PRR36: variants seen among roughly 807,000 people sequenced by gnomAD.
PRR36 encodes proline-rich protein 36.
A neutral mutation model predicts 58.6 loss-of-function variants in PRR36; 30 were observed. That is an observed-to-expected ratio of 0.51 (90% CI 0.38 to 0.69). PRR36 has a LOEUF of 0.69. Ranked by LOEUF, PRR36 falls within the 30% of genes least tolerant of loss-of-function variation. The pLI is 0.00. For synonymous variants in PRR36, 771 were observed against 829.3 expected, an observed-to-expected ratio of 0.93 and a Z score of 1.21; for missense variants, 1,692 against 1,805.6, an observed-to-expected ratio of 0.94 and a Z score of 1.14.
In PRR36 at chr19:7,869,179, C is replaced by G. The variant is rs1401079261; in HGVS notation, c.3895G>C (p.Asp1299His). The G allele has an allele frequency of 6.5e-7, 1 of 1,535,258 alleles. No homozygotes were observed. The highest frequency in any genetic ancestry group is 1.4e-5 in the African/African-American group (1 of 73,112). The change falls in exon 6 of 6, where the codon GAC becomes CAC. Residue 1299 changes from aspartate (D) to histidine (H), a missense_variant. Coordinates refer to ENST00000618550, the MANE Select transcript of PRR36 (RefSeq NM_001190467.2). ...VTGGARAALS[D>H]AELGRWAELL... ...TCGGCCCAGCGGCCGAGTTCGGCGT[C>G]GCTGAGTGCAGCCCGGGCGCCCCCT...
Position 7,869,926 on chromosome 19 carries a change from GGGC to G in PRR36, c.3315_3317del (p.Pro1106del), listed in dbSNP as rs1568250850. ...TCAGCGTGCTGGACGGGCTGCGCGA[GGGC>G]GGCGGCGGCGGGCCGGGGGCCAACG... On this transcript the variant is annotated inframe_deletion, in exon 5 of 6. Coordinates refer to ENST00000618550, the MANE Select transcript of PRR36 (RefSeq NM_001190467.2). 102 of 1,366,434 alleles carry G rather than the reference GGGC, an allele frequency of 7.5e-5. No homozygotes were observed. Among genetic ancestry groups the G allele is most frequent in the South Asian group, 2.2e-4 (13 of 58,184 alleles). 84.6% of individuals were successfully genotyped at this position (1,366,434 alleles called of 1,614,324 possible). A position where few individuals can be genotyped will look rare whatever the true frequency, so the allele number is the denominator to read the frequency against.
Position 7,872,081 on chromosome 19 carries a change from G to A in PRR36, c.1163C>T (p.Ser388Phe), listed in dbSNP as rs1326524004. The A allele has an allele frequency of 2.0e-6, 3 of 1,535,202 alleles. No individual in the cohort carries two copies. Among genetic ancestry groups the A allele is most frequent in the Non-Finnish European group, 2.6e-6 (3 of 1,146,584 alleles). The change falls in exon 5 of 6, where the codon TCT (serine) becomes TTT (phenylalanine). Residue 388 changes from serine (S) to phenylalanine (F), a missense_variant. Physicochemically the swap from Ser to Phe is radical, Grantham distance 155. Coordinates refer to ENST00000618550, the MANE Select transcript of PRR36 (RefSeq NM_001190467.2). The surrounding 1 kb of genome is among the most constrained non-coding windows in gnomAD (Gnocchi z 6.1). ...SAPPSLQTLP[S>F]PPATPPSQVP... ...TTGCGAGGGGGGCGTGGCTGGTGGA[G>A]AGGGGAGGGTCTGCAGAGAAGGTGG...
At position 7,868,993 on chromosome 19, in the gene PRR36, A is replaced by C. The variant is rs1281478340; in HGVS notation, c.*40T>G. 2 of 1,468,372 alleles carry C rather than the reference A, an allele frequency of 1.4e-6. No individual in the cohort carries two copies. The highest frequency in any genetic ancestry group is 1.8e-6 in the Non-Finnish European group (2 of 1,112,016). The allele number at this position is 1,468,372 out of a possible 1,614,324, so 91.0% of individuals were successfully genotyped here. A position where few individuals can be genotyped will look rare whatever the true frequency, so the allele number is the denominator to read the frequency against. ...GGCGTACCCGGAGGGGCGGATCCTAAGGCAGGGGTGGGGTGTAGCAGGCGG... is the reference window on the plus strand; with the variant it reads ...GGCGTACCCGGAGGGGCGGATCCTACGGCAGGGGTGGGGTGTAGCAGGCGG... On this transcript the variant is annotated 3_prime_UTR_variant, in exon 6 of 6. Transcript: ENST00000618550.
Position 7,872,167 on chromosome 19 carries a change from C to T in PRR36, c.1077G>A (p.Ser359=). The T allele has an allele frequency of 9.7e-6, 14 of 1,442,654 alleles. No individual in the cohort carries two copies. The highest frequency in any genetic ancestry group is 1.2e-5 in the Non-Finnish European group (13 of 1,100,678). The allele number at this position is 1,442,654 out of a possible 1,614,324, so 89.4% of individuals were successfully genotyped here. Residue 359 remains serine, a synonymous_variant, in exon 5 of 6, where the codon TCG becomes TCA. Transcript: ENST00000618550. The surrounding 1 kb of genome is among the most constrained non-coding windows in gnomAD (Gnocchi z 6.1). ...APPTLPATPH[S]SSLTCQLATP... is the part of the protein sequence containing the mutation. The stretch of plus-strand genomic sequence containing the variant: ...TGGCCAACTGACAGGTAAGGCTCGA[C>T]GAGTGGGGCGTGGCCGGCAGGGTGG...
In PRR36 at chr19:7,869,939, G is replaced by A. The variant is rs1980299980; in HGVS notation, c.3305C>T (p.Pro1102Leu). 7 of 1,367,168 alleles carry A rather than the reference G, an allele frequency of 5.1e-6. No individual in the cohort carries two copies. The East Asian group carries it at 1.2e-4, about 24-fold the overall frequency. The allele number at this position is 1,367,168 out of a possible 1,614,324, so 84.7% of individuals were successfully genotyped here. Residue 1102 changes from proline (P) to leucine (L), a missense_variant, in exon 5 of 6, where the codon CCG (proline) becomes CTG (leucine). Pro to Leu is a moderately conservative substitution (Grantham distance 98). Around this residue, in one of 5 missense-constraint regions of PRR36, gnomAD observed 485 missense variants for 549.2 expected, o/e 0.88. Transcript: ENST00000618550. ...PRLTLALAPGPPPPPSRSPSS... is the reference protein window; with the variant it reads ...PRLTLALAPGLPPPPSRSPSS... Reference sequence around the variant, plus strand: ...CGGGCTGCGCGAGGGCGGCGGCGGCGGGCCGGGGGCCAACGCCAGGGTCAG... The same window carrying A: ...CGGGCTGCGCGAGGGCGGCGGCGGCAGGCCGGGGGCCAACGCCAGGGTCAG...
At position 7,869,137 on chromosome 19, in the gene PRR36, C is replaced by A; in HGVS notation, c.3937G>T (p.Asp1313Tyr). The A allele has an allele frequency of 6.5e-7, 1 of 1,535,370 alleles. No individual in the cohort carries two copies. Among genetic ancestry groups the A allele is most frequent in the Non-Finnish European group, 8.7e-7 (1 of 1,146,678 alleles). The change falls in exon 6 of 6, where the codon GAC (aspartate) becomes TAC (tyrosine). Residue 1313 changes from aspartate (D) to tyrosine (Y), a missense_variant. Physicochemically the swap from Asp to Tyr is radical, Grantham distance 160. Coordinates refer to ENST00000618550, the MANE Select transcript of PRR36 (RefSeq NM_001190467.2). ...GAGGTGATGCTGGCACGGGACTCGT[C>A]CAGGGGAGACAGTAGTTCGGCCCAG... ...GRWAELLSPL[D>Y]ESRASITSVT...
In PRR36 at chr19:7,870,970, CTCCA is replaced by C; in HGVS notation, c.2270_2273del (p.Leu757ArgfsTer6). The C allele has an allele frequency of 3.9e-6, 4 of 1,022,128 alleles. No individual in the cohort carries two copies. Among genetic ancestry groups the C allele is most frequent in the Non-Finnish European group, 2.7e-6 (2 of 750,556 alleles). The allele number at this position is 1,022,128 out of a possible 1,614,324, so 63.3% of individuals were successfully genotyped here. On this transcript the variant is annotated frameshift_variant, in exon 5 of 6. Coordinates refer to ENST00000618550, the MANE Select transcript of PRR36 (RefSeq NM_001190467.2). LOFTEE classifies it high-confidence loss of function. ...GAGGCGGGGCTAGAGAAGGTAGGTTCTCCAGAGGGGGTGTGGTCAGGGGAGCAGA... is the reference window on the plus strand; with the variant it reads ...GAGGCGGGGCTAGAGAAGGTAGGTTCGAGGGGGTGTGGTCAGGGGAGCAGA...
chr19:7,870,127 G>A lies in PRR36; in HGVS notation c.3117C>T (p.Ala1039=). 1 of 1,470,314 alleles carries A rather than the reference G, an allele frequency of 6.8e-7. No homozygotes were observed. The highest frequency in any genetic ancestry group is 8.9e-7 in the Non-Finnish European group (1 of 1,117,742). 91.1% of individuals were successfully genotyped at this position (1,470,314 alleles called of 1,614,324 possible). A position where few individuals can be genotyped will look rare whatever the true frequency, so the allele number is the denominator to read the frequency against. ...TGGCCAAAGGAGACATTGGGAGTGA[G>A]GCAGAGGGTGAGAAAGGGGCCTGCC... The part of the protein sequence containing the change: ...FPGQAPFSPS[A]SLPMSPLATP... Residue 1039 remains alanine (A), a synonymous_variant, in exon 5 of 6, where the codon GCC becomes GCT. Transcript: ENST00000618550.
Position 7,873,188 on chromosome 19 carries a change from G to A in PRR36, c.374+9C>T. On this transcript the variant is annotated intron_variant, in intron 3 of 5. Transcript: ENST00000618550. This position sits in a 1 kb window ranked among gnomAD's most constrained non-coding sequence, Gnocchi z 5.0. ...GGCTTAGGAGACTGGGGGAGAGGGA[G>A]CAGGTTACCTGGTGGTCCCGCTGGC... is the stretch of plus-strand genomic sequence containing the variant. 6.5e-7 allele frequency: 1 copy of A among 1,534,900 alleles called. No individual in the cohort carries two copies. Among genetic ancestry groups the A allele is most frequent in the Non-Finnish European group, 8.7e-7 (1 of 1,145,820 alleles).
In PRR36 at chr19:7,872,722, C is replaced by T; in HGVS notation, c.522G>A (p.Pro174=). ...TSGPTPGTPS[P]AMARRSRAAG... is the part of the protein sequence containing the mutation. The stretch of plus-strand genomic sequence containing the variant: ...CAGCCCGGGACCGACGGGCCATGGC[C>T]GGGGACGGGGTTCCTGGGGTAGGCC... The change falls in exon 5 of 6, where the codon CCG becomes CCA. Residue 174 remains proline (P), a synonymous_variant. Coordinates refer to ENST00000618550, the MANE Select transcript of PRR36 (RefSeq NM_001190467.2). This position sits in a 1 kb window ranked among gnomAD's most constrained non-coding sequence, Gnocchi z 6.1. 3 of 1,447,506 alleles carry T rather than the reference C, an allele frequency of 2.1e-6. No homozygotes were observed. The highest frequency in any genetic ancestry group is 2.7e-6 in the Non-Finnish European group (3 of 1,104,558). The allele number at this position is 1,447,506 out of a possible 1,614,324, so 89.7% of individuals were successfully genotyped here. A position where few individuals can be genotyped will look rare whatever the true frequency, so the allele number is the denominator to read the frequency against.
rs943189353 is a variant in PRR36, at chr19:7,871,799, G to T, written c.1445C>A (p.Ala482Asp). Residue 482 changes from alanine to aspartate, a missense_variant, in exon 5 of 6, where the codon GCC becomes GAC. Coordinates refer to ENST00000618550, the MANE Select transcript of PRR36 (RefSeq NM_001190467.2). ...AGAAAGGCCTGGCTGAGGGAGTGCG[G>T]CCAGGGGAAAAGCCGAATTCCCCAG... is the stretch of plus-strand genomic sequence containing the variant. ...TSLGNSAFPLAALPQPGLSAL... is the reference protein window; with the variant it reads ...TSLGNSAFPLDALPQPGLSAL... The T allele has an allele frequency of 1.7e-5, 26 of 1,535,800 alleles. No individual in the cohort carries two copies. Among genetic ancestry groups the T allele is most frequent in the Admixed American group, 2.0e-5 (1 of 50,962 alleles).
Position 7,870,809 on chromosome 19 carries a change from G to C in PRR36, c.2435C>G (p.Pro812Arg), listed in dbSNP as rs1980391228. 1 of 1,445,194 alleles carries C rather than the reference G, an allele frequency of 6.9e-7. No individual in the cohort carries two copies. The highest frequency in any genetic ancestry group is 2.5e-5 in the East Asian group (1 of 39,864). 89.5% of individuals were successfully genotyped at this position (1,445,194 alleles called of 1,614,324 possible). ...CAGAGCAGGTGGGGCCTGTGGAGGAGGCGTGGCTATGGAAGAGGGCGTCTC... is the reference window on the plus strand; with the variant it reads ...CAGAGCAGGTGGGGCCTGTGGAGGACGCGTGGCTATGGAAGAGGGCGTCTC... ...PPETPSSIAT[P>R]PPQAPPALAS... Residue 812 changes from proline (P) to arginine (R), a missense_variant, in exon 5 of 6, where the codon CCT (proline) becomes CGT (arginine). By Grantham distance (103) the Pro-to-Arg change is moderately radical. Coordinates refer to ENST00000618550, the MANE Select transcript of PRR36 (RefSeq NM_001190467.2).
rs1413784099 is a variant in PRR36, at chr19:7,871,625, G to A, written c.1619C>T (p.Thr540Ile). The A allele has an allele frequency of 1.3e-6, 2 of 1,536,016 alleles. No individual in the cohort carries two copies. Among genetic ancestry groups the A allele is most frequent in the East Asian group, 2.4e-5 (1 of 40,916 alleles). ...TAGAGGAGGATCCTGCAGAGAGACT[G>A]TGGTCAAAGGAGAGGGAGAGGCCTG... is the stretch of plus-strand genomic sequence containing the variant. ...PLQASPSPLTTVSLQDPPLVS... is the reference protein window; with the variant it reads ...PLQASPSPLTIVSLQDPPLVS... Residue 540 changes from threonine to isoleucine, a missense_variant, in exon 5 of 6, where the codon ACA (threonine) becomes ATA (isoleucine). Physicochemically the swap from Thr to Ile is moderately conservative, Grantham distance 89. Around this residue, in one of 5 missense-constraint regions of PRR36, gnomAD observed 975 missense variants for 955.2 expected, o/e 1.02. Transcript: ENST00000618550.
rs1599590010 is a variant in PRR36 at position 7,871,901 on chromosome 19, G to A, written c.1343C>T (p.Thr448Ile). Reference sequence around the variant, plus strand: ...AGGTGTGGCCAAGGGAGAGAGGAGAGTCGGAAGAGAGGGCAACGCTGGATT... The same window carrying A: ...AGGTGTGGCCAAGGGAGAGAGGAGAATCGGAAGAGAGGGCAACGCTGGATT... ...QANPALPSLP[T>I]LLSPLATPPL... The change falls in exon 5 of 6, where the codon ACT becomes ATT. Residue 448 changes from threonine to isoleucine, a missense_variant. Transcript: ENST00000618550. 4 of 1,534,532 alleles carry A rather than the reference G, an allele frequency of 2.6e-6. No homozygotes were observed. The highest frequency in any genetic ancestry group is 3.3e-4 in the Middle Eastern group (2 of 5,988).
rs778663912 is a variant in PRR36, at chr19:7,873,304, G to C, written c.272-5C>G. The C allele has an allele frequency of 3.7e-5, 57 of 1,531,152 alleles. No homozygotes were observed. The highest frequency in any genetic ancestry group is 5.5e-5 in the African/African-American group (4 of 72,656). The allele number at this position is 1,531,152 out of a possible 1,614,324, so 94.8% of individuals were successfully genotyped here. A position where few individuals can be genotyped will look rare whatever the true frequency, so the allele number is the denominator to read the frequency against. On this transcript the variant is annotated splice_region_variant and splice_polypyrimidine_tract_variant and intron_variant, in intron 2 of 5. Transcript: ENST00000618550. The surrounding 1 kb of genome is among the most constrained non-coding windows in gnomAD (Gnocchi z 5.0). ...CAGAGGCTGGGGGCCTGGAGGCTGC[G>C]GGGAGAAGGCCGAGTCACAGGTGCC...
At position 7,871,475 on chromosome 19, in the gene PRR36, A is replaced by T; in HGVS notation, c.1769T>A (p.Val590Asp). The T allele has an allele frequency of 6.5e-7, 1 of 1,530,332 alleles. No individual in the cohort carries two copies. Among genetic ancestry groups the T allele is most frequent in the Non-Finnish European group, 8.7e-7 (1 of 1,145,690 alleles). The allele number at this position is 1,530,332 out of a possible 1,614,324, so 94.8% of individuals were successfully genotyped here. Reference sequence around the variant, plus strand: ...AGACGGTGAGGTCAGAGAATGTGGGACCTGTATTGGGGGAATGGTCTGGAG... The same window carrying T: ...AGACGGTGAGGTCAGAGAATGTGGGTCCTGTATTGGGGGAATGGTCTGGAG... Reference protein sequence around the residue: ...PSLQTIPPIQVPHSLTSPSLQ... With the variant: ...PSLQTIPPIQDPHSLTSPSLQ... The change falls in exon 5 of 6, where the codon GTC becomes GAC. Residue 590 changes from valine to aspartate, a missense_variant. Physicochemically the swap from Val to Asp is radical, Grantham distance 152 (BLOSUM62 -3). Around this residue, in one of 5 missense-constraint regions of PRR36, gnomAD observed 975 missense variants for 955.2 expected, o/e 1.02. Transcript: ENST00000618550.
chr19:7,871,372 G>A lies in PRR36; in HGVS notation c.1872C>T (p.Ala624=). The A allele has an allele frequency of 6.5e-7, 1 of 1,535,658 alleles. No homozygotes were observed. The highest frequency in any genetic ancestry group is 8.7e-7 in the Non-Finnish European group (1 of 1,146,778). ...TTSLGSPTLQ[A]THSFLTMSPR... ...GGGACATTGTCAGGAAAGAATGTGT[G>A]GCCTGCAGAGTGGGTGAGCCCAAAG... Residue 624 remains alanine, a synonymous_variant, in exon 5 of 6, where the codon GCC becomes GCT. Coordinates refer to ENST00000618550, the MANE Select transcript of PRR36 (RefSeq NM_001190467.2).
chr19:7,874,109 GC>G lies in PRR36; in HGVS notation c.-8+176del, dbSNP rs1414440641. On this transcript the variant is annotated intron_variant, in intron 1 of 5. Transcript: ENST00000618550. The surrounding 1 kb of genome is among the most constrained non-coding windows in gnomAD (Gnocchi z 6.0). The stretch of plus-strand genomic sequence containing the variant: ...AGCGCACGCCCGGGTCTCCCCGCCA[GC>G]CCCCATCGGCCTCCCCTGGCCTCCC... 6.6e-5 allele frequency among the ~76,000 whole-genome samples: 10 copies of G among 152,242 alleles called. No homozygotes were observed. The South Asian group carries it at 2.1e-3, about 32-fold the overall frequency.
chr19:7,870,146 G>T lies in PRR36; in HGVS notation c.3098C>A (p.Ala1033Asp). The change falls in exon 5 of 6, where the codon GCC becomes GAC. Residue 1033 changes from alanine to aspartate, a missense_variant. Ala to Asp is a moderately radical substitution (Grantham distance 126). This residue lies in a region of PRR36 where 485 missense variants were observed against 549.2 expected (regional missense o/e 0.88). Coordinates refer to ENST00000618550, the MANE Select transcript of PRR36 (RefSeq NM_001190467.2). ...PSPPASFPGQ[A>D]PFSPSASLPM... ...GAGTGAGGCAGAGGGTGAGAAAGGGGCCTGCCCAGGGAATGAGGCAGGCGG... is the reference window on the plus strand; with the variant it reads ...GAGTGAGGCAGAGGGTGAGAAAGGGTCCTGCCCAGGGAATGAGGCAGGCGG... 6.9e-7 allele frequency: 1 copy of T among 1,440,772 alleles called. No homozygotes were observed. The highest frequency in any genetic ancestry group is 1.8e-4 in the Middle Eastern group (1 of 5,578). 89.2% of individuals were successfully genotyped at this position (1,440,772 alleles called of 1,614,324 possible). A position where few individuals can be genotyped will look rare whatever the true frequency, so the allele number is the denominator to read the frequency against.
Sources: gnomAD v4.1 joint callset for allele counts (sites outside exome capture counted in the v4.1 genomes callset) on GRCh38, gnomAD v4.1.1 for gene constraint, gnomAD v4.1.1 regional missense constraint, Gnocchi (gnomAD v3.1) non-coding constraint, MANE v1.5 for transcripts, NCBI Gene and HGNC (gene_info 2026-07-23, HGNC 2026-07-21) for gene names.